The following PROKR2 variants were observed in gnomAD, a reference collection of about 807,000 sequenced individuals.
The protein encoded by PROKR2 is G protein-coupled receptor 73-like 1.
A neutral mutation model predicts 23.4 loss-of-function variants in PROKR2; 26 were observed. That is an observed-to-expected ratio of 1.11 (90% CI 0.81 to 1.54). PROKR2 has a LOEUF of 1.54. Among genes scored for constraint, PROKR2 ranks in the 40% most tolerant of loss-of-function variants. PROKR2 has a pLI of 0.00. For missense variants in PROKR2, 453 were observed against 511.5 expected, an observed-to-expected ratio of 0.89 and a Z score of 1.10; for synonymous variants, 212 against 201.2, an observed-to-expected ratio of 1.05 and a Z score of -0.45.
rs1600591003 is a variant in PROKR2, at chr20:5,316,241, G to T, written c.-9+253C>A. The T allele has an allele frequency of 2.2e-6, 1 of 456,530 alleles. No homozygotes were observed. The highest frequency in any genetic ancestry group is 4.4e-6 in the Non-Finnish European group (1 of 226,924). 28.3% of individuals were successfully genotyped at this position (456,530 alleles called of 1,614,324 possible). ...AGCTCGTCCGCGAGCTCAGCTACCC[G>T]CTGGCTCCCTCTGCCCGCGCCCGCA... is the stretch of plus-strand genomic sequence containing the variant. On this transcript the variant is annotated intron_variant, in intron 1 of 2. Coordinates refer to ENST00000678254, the MANE Select transcript of PROKR2 (RefSeq NM_144773.4). The surrounding 1 kb of genome is among the most constrained non-coding windows in gnomAD (Gnocchi z 5.0).
intron 1 of PROKR2, among the ~76,000 whole-genome samples, chr20:5,314,621 G>A (rs371651502): frequency 2.0e-5 from 3 of 152,196 alleles, no homozygotes; most frequent in Admixed American, 6.5e-5. Context: ...CCCGGGATGC[G>A]GGGAGAGGAG....
At chr20:5,305,103 T>C (rs1351252769) in intron 2 of PROKR2, among the ~76,000 whole-genome samples, 1 of 149,594 alleles carries the variant, frequency 6.7e-6, no homozygotes, top group African/African-American at 2.5e-5. Flanking sequence ...CCAAAATATG[T>C]CCAAAATGTA....
chr20:5,312,443 C>A (rs367926829), intron 2 of PROKR2, among the ~76,000 whole-genome samples: 7 of 152,246 alleles, frequency 4.6e-5, no homozygotes, highest in African/African-American at 1.7e-4. Flanking sequence ...TACTTTGCAC[C>A]ATTTTCCCTG....
rs1183119513 is a variant in PROKR2 at position 5,300,120 on chromosome 20, A to G, written c.*1920T>C. Among the ~76,000 whole-genome samples the G allele has an allele frequency of 6.6e-6, 1 of 152,260 alleles. No individual in the cohort carries two copies. The highest frequency in any genetic ancestry group is 1.5e-5 in the Non-Finnish European group (1 of 68,040). On this transcript the variant is annotated 3_prime_UTR_variant, in exon 3 of 3. Coordinates refer to ENST00000678254, the MANE Select transcript of PROKR2 (RefSeq NM_144773.4). ...TGGTTGGGTCAGTCCCAAACCAGGT[A>G]CCATTTGCATAGCTACCACATCAAA...
rs1282428907 is a variant in PROKR2 at position 5,316,537 on chromosome 20, C to G, written c.-52G>C. ...TCTGTGCGCTCTGCTGCTCCGGAAG[C>G]CGGATCGAGAGTCACAGTGTGGTTG... On this transcript the variant is annotated 5_prime_UTR_variant, in exon 1 of 3. Transcript: ENST00000678254. This position sits in a 1 kb window ranked among gnomAD's most constrained non-coding sequence, Gnocchi z 5.0. The G allele has an allele frequency of 5.6e-6, 2 of 359,672 alleles. No individual in the cohort carries two copies. The highest frequency in any genetic ancestry group is 4.3e-5 in the African/African-American group (2 of 46,882). 22.3% of individuals were successfully genotyped at this position (359,672 alleles called of 1,614,324 possible). A position where few individuals can be genotyped will look rare whatever the true frequency, so the allele number is the denominator to read the frequency against.
chr20:5,308,836 C>G (rs142702597), intron 2 of PROKR2, among the ~76,000 whole-genome samples: 1 of 152,210 alleles, frequency 6.6e-6, no homozygotes, highest in Non-Finnish European at 1.5e-5. Flanking sequence ...CTGTCCCTGT[C>G]AATATTTCTG....
Position 5,316,678 on chromosome 20 carries a change from A to G in PROKR2, c.-193T>C, listed in dbSNP as rs1467281338. Among the ~76,000 whole-genome samples, 3 of 152,206 alleles carry G rather than the reference A, an allele frequency of 2.0e-5. No individual in the cohort carries two copies. Among genetic ancestry groups the G allele is most frequent in the African/African-American group, 4.8e-5 (2 of 41,466 alleles). The stretch of plus-strand genomic sequence containing the variant: ...CCCCGGCGGGCTCCTCCGGCGTGTC[A>G]GGGTCTCTGGGTTCCAGCTGGAGTT... On this transcript the variant is annotated 5_prime_UTR_variant, in exon 1 of 3. Transcript: ENST00000678254. This position sits in a 1 kb window ranked among gnomAD's most constrained non-coding sequence, Gnocchi z 5.0.
chr20:5,311,376 T>C (rs1979437404), intron 2 of PROKR2, among the ~76,000 whole-genome samples: 1 of 152,096 alleles, frequency 6.6e-6, no homozygotes. Flanking sequence ...GGGAAGCTGG[T>C]TGGGGCAGAG....
At chr20:5,312,970 A>G (rs189046333) in intron 2 of PROKR2, among the ~76,000 whole-genome samples, 51 of 152,370 alleles carry the variant, frequency 3.3e-4, no homozygotes, top group East Asian at 2.3e-3. Flanking sequence ...AATTACCACA[A>G]TTTATTATAT....
chr20:5,301,190 C>A lies in PROKR2; in HGVS notation c.*850G>T, dbSNP rs1468927499. On this transcript the variant is annotated 3_prime_UTR_variant, in exon 3 of 3. Coordinates refer to ENST00000678254, the MANE Select transcript of PROKR2 (RefSeq NM_144773.4). ...CATTTCCATTGTGTCTAAGAGTCTT[C>A]TTCTATAGCCGTTGGTTGTTGTTGT... is the stretch of plus-strand genomic sequence containing the variant. Among the ~76,000 whole-genome samples the A allele has an allele frequency of 6.7e-6, 1 of 149,938 alleles. No individual in the cohort carries two copies. Among genetic ancestry groups the A allele is most frequent in the African/African-American group, 2.5e-5 (1 of 40,580 alleles).
At position 5,311,285 on chromosome 20, in the gene PROKR2, G is replaced by A. The variant is rs1165096933; in HGVS notation, c.458+2627C>T. On this transcript the variant is annotated intron_variant, in intron 2 of 2. Coordinates refer to ENST00000678254, the MANE Select transcript of PROKR2 (RefSeq NM_144773.4). ...ACATGGGGTGGGGTGAGTGGAGGCAGGATAGGGAGAAAGGGTAAGGATGAT... is the reference window on the plus strand; with the variant it reads ...ACATGGGGTGGGGTGAGTGGAGGCAAGATAGGGAGAAAGGGTAAGGATGAT... 2.0e-5 allele frequency among the ~76,000 whole-genome samples: 3 copies of A among 152,142 alleles called. No homozygotes were observed. In the East Asian group the frequency reaches 5.8e-4, roughly 29 times the overall value.
rs1978964930 is a variant in PROKR2 at position 5,301,060 on chromosome 20, A to G, written c.*980T>C. ...TTTTTTCTTGAAGCCAAAATCCTAGAGAATGCCCTGGGAGGCAGTAGGAGG... is the reference window on the plus strand; with the variant it reads ...TTTTTTCTTGAAGCCAAAATCCTAGGGAATGCCCTGGGAGGCAGTAGGAGG... On this transcript the variant is annotated 3_prime_UTR_variant, in exon 3 of 3. Coordinates refer to ENST00000678254, the MANE Select transcript of PROKR2 (RefSeq NM_144773.4). 6.6e-6 allele frequency among the ~76,000 whole-genome samples: 1 copy of G among 152,186 alleles called. No homozygotes were observed. Among genetic ancestry groups the G allele is most frequent in the African/African-American group, 2.4e-5 (1 of 41,434 alleles).
chr20:5,312,397 G>A (rs974631478), intron 2 of PROKR2, among the ~76,000 whole-genome samples: 6 of 152,162 alleles, frequency 3.9e-5, no homozygotes, highest in East Asian at 1.9e-4. Context: ...GTGAGCCACC[G>A]CACCCGGGCT....
chr20:5,311,032 G>C (rs771875898), intron 2 of PROKR2, among the ~76,000 whole-genome samples: 11 of 152,300 alleles, frequency 7.2e-5, no homozygotes, highest in Non-Finnish European at 8.8e-5. Context: ...CATGTATTCC[G>C]TAAGCACTTG....
chr20:5,313,487 G>A (rs1384986684), intron 2 of PROKR2, among the ~76,000 whole-genome samples: 1 of 152,246 alleles, frequency 6.6e-6, no homozygotes, highest in East Asian at 1.9e-4. Flanking sequence ...CTGGTGAGGA[G>A]CACAGAAGGT....
chr20:5,316,451 C>A lies in PROKR2; in HGVS notation c.-9+43G>T, dbSNP rs1411683315. ...GCCCTTGTCCTAGCGACTCCCCCACCGCACCGACTGAGTCCCGGGACTGCA... is the reference window on the plus strand; with the variant it reads ...GCCCTTGTCCTAGCGACTCCCCCACAGCACCGACTGAGTCCCGGGACTGCA... On this transcript the variant is annotated intron_variant, in intron 1 of 2. Coordinates refer to ENST00000678254, the MANE Select transcript of PROKR2 (RefSeq NM_144773.4). This position sits in a 1 kb window ranked among gnomAD's most constrained non-coding sequence, Gnocchi z 5.0. 4 of 447,954 alleles carry A rather than the reference C, an allele frequency of 8.9e-6. No individual in the cohort carries two copies. The highest frequency in any genetic ancestry group is 7.0e-5 in the East Asian group (1 of 14,326). 27.7% of individuals were successfully genotyped at this position (447,954 alleles called of 1,614,324 possible).
In PROKR2 at chr20:5,313,963, G is replaced by A. The variant is rs1195880083; in HGVS notation, c.407C>T (p.Thr136Ile). The A allele has an allele frequency of 6.2e-7, 1 of 1,614,242 alleles. No individual in the cohort carries two copies. ...ATTGGTGGAGACGTAGAGGGAGACG[G>A]TGCGCAGGTAGTTGACGGAGGCACA... is the stretch of plus-strand genomic sequence containing the variant. The part of the protein sequence containing the change: ...VLCASVNYLR[T>I]VSLYVSTNAL... Residue 136 changes from threonine (T) to isoleucine (I), a missense_variant, in exon 2 of 3, where the codon ACC becomes ATC. Transcript: ENST00000678254.
Position 5,316,547 on chromosome 20 carries a change from A to G in PROKR2, c.-62T>C, listed in dbSNP as rs4315595. ...CTGCTGCTCCGGAAGCCGGATCGAG[A>G]GTCACAGTGTGGTTGGGCGCAGGCG... On this transcript the variant is annotated 5_prime_UTR_variant, in exon 1 of 3. Coordinates refer to ENST00000678254, the MANE Select transcript of PROKR2 (RefSeq NM_144773.4). The surrounding 1 kb of genome is among the most constrained non-coding windows in gnomAD (Gnocchi z 5.0). 86,146 of 357,866 alleles carry G rather than the reference A, an allele frequency of 0.24. 10,737 individuals are homozygous for G. The highest frequency in any genetic ancestry group is 0.3 in the Middle Eastern group (777 of 2,556). 22.2% of individuals were successfully genotyped at this position (357,866 alleles called of 1,614,324 possible).
chr20:5,310,438 A>G (rs1979393626), intron 2 of PROKR2, among the ~76,000 whole-genome samples: 1 of 152,184 alleles, frequency 6.6e-6, no homozygotes. Context: ...ACACAAGCCT[A>G]TCTAATTCTG....
Sources: gnomAD v4.1 joint callset for allele counts (sites outside exome capture counted in the v4.1 genomes callset) on GRCh38, gnomAD v4.1.1 for gene constraint, Gnocchi (gnomAD v3.1) non-coding constraint, MANE v1.5 for transcripts, NCBI Gene and HGNC (gene_info 2026-07-23, HGNC 2026-07-21) for gene names.